Variants in SNAP91 observed in about 807,000 individuals in gnomAD.
The protein encoded by SNAP91 is clathrin coat assembly protein AP180.
Under a neutral mutation model 100.3 loss-of-function variants are expected in SNAP91, and 27 were observed. That is an observed-to-expected ratio of 0.27 (90% CI 0.20 to 0.37). The LOEUF is 0.37. SNAP91 is among the 10% of genes least tolerant of loss of function. The probability of loss-of-function intolerance (pLI) is 1.00; values close to 1 mark genes in which losing one functional copy is unlikely to be tolerated. For synonymous variants in SNAP91, 404 were observed against 398.6 expected (o/e 1.01, Z -0.16); for missense variants, 986 against 1,123.7 (o/e 0.88, Z 1.75).
At chr6:83,686,356 A>G (rs1482287398) in intron 2 of SNAP91, 1 of 205,760 alleles carries the variant, frequency 4.9e-6, no homozygotes, top group East Asian at 1.9e-4. Flanking sequence ...AAAATTCACT[A>G]CTTAGTTTTT....
intron 2 of SNAP91, among the ~76,000 whole-genome samples, chr6:83,675,480 T>C (rs2098848412): frequency 6.6e-6 from 1 of 152,154 alleles, no homozygotes. Context: ...CTTCTTTCAT[T>C]TTGAAAAAAA....
At chr6:83,618,183 C>A (rs1403770414) in intron 9 of SNAP91, among the ~76,000 whole-genome samples, 1 of 151,656 alleles carries the variant, frequency 6.6e-6, no homozygotes, top group Non-Finnish European at 1.5e-5. Context: ...ACTGTCTTAA[C>A]ATTCATGTGA....
intron 2 of SNAP91, among the ~76,000 whole-genome samples, chr6:83,666,874 T>C (rs991139579): frequency 3.3e-5 from 5 of 152,084 alleles, no homozygotes; most frequent in Non-Finnish European, 5.9e-5. Flanking sequence ...TCCTGTGCTT[T>C]AAAACGTGAG....
intron 8 of SNAP91, among the ~76,000 whole-genome samples, chr6:83,624,555 C>A (rs573868443): frequency 6.6e-6 from 1 of 152,166 alleles, no homozygotes; most frequent in South Asian, 2.1e-4. Context: ...TTTCCTCTTT[C>A]TTCTCTGTGT....
intron 2 of SNAP91, among the ~76,000 whole-genome samples, chr6:83,669,492 G>T (rs2098745436): frequency 6.6e-6 from 1 of 151,892 alleles, no homozygotes. Flanking sequence ...CAGCTTTATT[G>T]AAGTATAGTT....
intron 8 of SNAP91, among the ~76,000 whole-genome samples, chr6:83,630,568 G>A (rs2097165378): frequency 6.6e-6 from 1 of 151,996 alleles, no homozygotes; most frequent in Admixed American, 6.6e-5. Context: ...ATTTAAGCTA[G>A]GAGGATTGTA....
At chr6:83,560,784 G>T in intron 27 of SNAP91, 80 bp downstream of exon 27, 1 of 1,199,876 alleles carries the variant, frequency 8.3e-7, no homozygotes, top group Non-Finnish European at 1.2e-6. Flanking sequence ...ATTATATTCT[G>T]TAGGAATACT....
chr6:83,591,128 C>T, intron 22 of SNAP91, 83 bp downstream of exon 22: 1 of 912,096 alleles, frequency 1.1e-6, no homozygotes. Flanking sequence ...ATGCACCCTG[C>T]AATTTATGTA....
At chr6:83,627,663 A>AT (rs373433741) in intron 8 of SNAP91, among the ~76,000 whole-genome samples, 1 of 151,276 alleles carries the variant, frequency 6.6e-6, no homozygotes, top group Non-Finnish European at 1.5e-5. Flanking sequence ...AGTCTAGAGG[A>AT]TTTTTTCTAT....
rs1311956929 is a variant in SNAP91 at position 83,567,178 on chromosome 6, T to TC, written c.2443-6232dup. 2.0e-5 allele frequency among the ~76,000 whole-genome samples: 3 copies of TC among 152,090 alleles called. No individual in the cohort carries two copies. The East Asian group carries it at 5.8e-4, about 29-fold the overall frequency. ...GCCTCAAATTCCTGGCCTCAAGTGA[T>TC]CCCCCCGCCTCAGTTTCTGGGAGTA... On this transcript the variant is annotated intron_variant, in intron 26 of 29. Transcript: ENST00000369694.
At chr6:83,591,381 CAG>C (rs1296892101) in intron 21 of SNAP91, 87 bp from the exon 22 acceptor site, 12 of 859,658 alleles carry the variant, frequency 1.4e-5, no homozygotes, top group Non-Finnish European at 2.4e-5. Context: ...TAGAGAAATG[CAG>C]AGACATGACA....
At chr6:83,675,092 A>G (rs1037795421) in intron 2 of SNAP91, among the ~76,000 whole-genome samples, 1 of 152,192 alleles carries the variant, frequency 6.6e-6, no homozygotes, top group Non-Finnish European at 1.5e-5. Flanking sequence ...GGGGAAAACA[A>G]GAATAAGAAG....
intron 2 of SNAP91, among the ~76,000 whole-genome samples, chr6:83,695,977 G>A (rs150615491): frequency 6.6e-6 from 1 of 152,134 alleles, no homozygotes; most frequent in African/African-American, 2.4e-5. Context: ...GTGAGGAGAT[G>A]CATATGTTAA....
chr6:83,590,153 G>A (rs1267118337), intron 22 of SNAP91, among the ~76,000 whole-genome samples: 1 of 152,140 alleles, frequency 6.6e-6, no homozygotes, highest in Non-Finnish European at 1.5e-5. Context: ...GAGTGACTGA[G>A]TCCTCTGTGA....
At chr6:83,599,816 T>C (rs1239408516) in intron 16 of SNAP91, among the ~76,000 whole-genome samples, 1 of 152,172 alleles carries the variant, frequency 6.6e-6, no homozygotes, top group East Asian at 1.9e-4. Flanking sequence ...AGACAGGGCC[T>C]TGCTCTTCAC....
intron 12 of SNAP91, among the ~76,000 whole-genome samples, chr6:83,609,044 G>A (rs1268712412): frequency 6.6e-6 from 1 of 152,102 alleles, no homozygotes; most frequent in Non-Finnish European, 1.5e-5. Flanking sequence ...ATGTAAATAA[G>A]TTTAGAAAAA....
At chr6:83,706,728 A>C (rs2099387788) in intron 2 of SNAP91, among the ~76,000 whole-genome samples, 3 of 152,234 alleles carry the variant, frequency 2.0e-5, no homozygotes, top group Admixed American at 2.0e-4. Flanking sequence ...TGGGCAAAGG[A>C]AGCCAGCTGA....
At chr6:83,662,493 C>A in intron 3 of SNAP91, 71 bp from the exon 4 acceptor site, 3 of 562,708 alleles carry the variant, frequency 5.3e-6, no homozygotes, top group Non-Finnish European at 8.5e-6. Flanking sequence ...GACACTAAAG[C>A]GATTTTTTTT....
At chr6:83,700,260 A>C (rs541000860) in intron 2 of SNAP91, among the ~76,000 whole-genome samples, 11 of 152,270 alleles carry the variant, frequency 7.2e-5, no homozygotes, top group African/African-American at 2.6e-4. Context: ...ATGCCTTCCA[A>C]ACTACAGAAA....
Sources: gnomAD v4.1 joint callset for allele counts (sites outside exome capture counted in the v4.1 genomes callset) on GRCh38, gnomAD v4.1.1 for gene constraint, MANE v1.5 for transcripts, NCBI Gene and HGNC (gene_info 2026-07-23, HGNC 2026-07-21) for gene names.